The following SH3RF3 variants were observed in gnomAD, a reference collection of about 807,000 sequenced individuals.
SH3RF3 encodes SH3 domain containing ring finger 3, also known as E3 ubiquitin-protein ligase SH3RF3.
SH3RF3 carries 29 observed loss-of-function variants against 66.3 expected under a neutral mutation model. The observed-to-expected ratio is 0.44, with a 90% CI of 0.33 to 0.60. SH3RF3 has a LOEUF of 0.60. Ranked by LOEUF, SH3RF3 falls within the 20% of genes least tolerant of loss-of-function variation. SH3RF3 has a pLI of 0.04. For synonymous variants in SH3RF3, 583 were observed against 532.0 expected, an observed-to-expected ratio of 1.10 and a Z score of -1.32; for missense variants, 1,194 against 1,190.9, an observed-to-expected ratio of 1.00 and a Z score of -0.04.
chr2:109,133,338 T>C (rs1056818193), intron 1 of SH3RF3, among the ~76,000 whole-genome samples: 31 of 152,240 alleles, frequency 2.0e-4, no homozygotes, highest in African/African-American at 7.2e-4. Flanking sequence ...AAATCTCTTC[T>C]GTGTCTCTTT....
chr2:109,337,419 C>G lies in SH3RF3; in HGVS notation c.574-10255C>G, dbSNP rs185139727. ...GTCCTCCTGTGTGTGGTGTCCTTAG[C>G]GCCTTGCACTGTGGCCACCCCCTCG... On this transcript the variant is annotated intron_variant, in intron 1 of 9. Coordinates refer to ENST00000309415, the MANE Select transcript of SH3RF3 (RefSeq NM_001099289.3). Among the ~76,000 whole-genome samples the G allele has an allele frequency of 2.3e-3, 350 of 152,338 alleles. 1 individual carries two copies. Among genetic ancestry groups the G allele is most frequent in the Middle Eastern group, 0.014 (4 of 294 alleles).
chr2:109,407,187 T>TG (rs11388958), intron 4 of SH3RF3, among the ~76,000 whole-genome samples: 43,241 of 152,188 alleles, frequency 0.28, 7,634 homozygotes, highest in Non-Finnish European at 0.39. Context: ...CATTGGCCCT[T>TG]GCCAGCTTCT....
intron 4 of SH3RF3, among the ~76,000 whole-genome samples, chr2:109,416,904 C>CAAAAA (rs59855463): frequency 3.1e-5 from 2 of 64,346 alleles, no homozygotes; most frequent in African/African-American, 9.9e-5. Flanking sequence ...GACTTCATCT[C>CAAAAA]AAAAAAAAAA....
chr2:109,164,123 T>C (rs1677559799), intron 1 of SH3RF3, among the ~76,000 whole-genome samples: 1 of 152,134 alleles, frequency 6.6e-6, no homozygotes, highest in African/African-American at 2.4e-5. Flanking sequence ...GTCTGTTAAA[T>C]CCTTAAGGAA....
chr2:109,204,620 C>T (rs1300175497), intron 1 of SH3RF3, among the ~76,000 whole-genome samples: 2 of 152,230 alleles, frequency 1.3e-5, no homozygotes, highest in Non-Finnish European at 2.9e-5. Context: ...CCACCTACTC[C>T]ACCACCAGGT....
intron 1 of SH3RF3, among the ~76,000 whole-genome samples, chr2:109,346,009 C>T (rs1462329950): frequency 6.6e-6 from 1 of 152,226 alleles, no homozygotes; most frequent in Non-Finnish European, 1.5e-5. Context: ...CCCTGTGTGG[C>T]AGTGGAATTA....
chr2:109,409,574 C>A (rs1426276083), intron 4 of SH3RF3, among the ~76,000 whole-genome samples: 2 of 152,120 alleles, frequency 1.3e-5, no homozygotes, highest in African/African-American at 4.8e-5. Flanking sequence ...CCTCCATCTT[C>A]AGTGGTGAGC....
intron 1 of SH3RF3, among the ~76,000 whole-genome samples, chr2:109,321,598 G>A (rs1682028176): frequency 6.6e-6 from 1 of 152,218 alleles, no homozygotes; most frequent in South Asian, 2.1e-4. Context: ...ATCAATAGAG[G>A]ATTACATTTT....
At chr2:109,248,219 TG>T (rs1679967546) in intron 1 of SH3RF3, among the ~76,000 whole-genome samples, 2 of 152,264 alleles carry the variant, frequency 1.3e-5, no homozygotes, top group Non-Finnish European at 2.9e-5. Context: ...TTGATTCAGA[TG>T]AATAGGAGTT....
chr2:109,307,561 T>C (rs1408402091), intron 1 of SH3RF3, among the ~76,000 whole-genome samples: 1 of 136,426 alleles, frequency 7.3e-6, no homozygotes, highest in East Asian at 2.2e-4. Flanking sequence ...CTCCCAATGC[T>C]ATCCCTCCCC....
At chr2:109,380,430 T>G (rs112507081) in intron 3 of SH3RF3, among the ~76,000 whole-genome samples, 3,753 of 152,234 alleles carry the variant, frequency 0.025, 154 homozygotes, top group African/African-American at 0.08. Flanking sequence ...TGCAATGTTA[T>G]TGGGTTGTGG....
chr2:109,393,881 T>C (rs2104421932), intron 3 of SH3RF3, among the ~76,000 whole-genome samples: 1 of 151,410 alleles, frequency 6.6e-6, no homozygotes, highest in Admixed American at 6.6e-5. Context: ...TACTCCTTTT[T>C]TAAGAAAAAA....
intron 4 of SH3RF3, 129 bp from the exon 5 acceptor site, chr2:109,419,410 G>A (rs748372543): frequency 4.9e-5 from 46 of 944,062 alleles, no homozygotes; most frequent in East Asian, 4.2e-4. Context: ...GGCACAGCAC[G>A]TTGGAGGCCA....
At chr2:109,345,527 T>C (rs1300809635) in intron 1 of SH3RF3, among the ~76,000 whole-genome samples, 1 of 152,052 alleles carries the variant, frequency 6.6e-6, no homozygotes, top group Non-Finnish European at 1.5e-5. Flanking sequence ...TGAAGGGAAA[T>C]GGAGTCATTC....
chr2:109,316,997 A>G (rs1681901260), intron 1 of SH3RF3, among the ~76,000 whole-genome samples: 1 of 151,348 alleles, frequency 6.6e-6, no homozygotes, highest in South Asian at 2.1e-4. Flanking sequence ...TCTTTTTATC[A>G]CTGAATAACA....
At chr2:109,487,857 G>A (rs147808139) in intron 8 of SH3RF3, among the ~76,000 whole-genome samples, 2 of 152,352 alleles carry the variant, frequency 1.3e-5, no homozygotes, top group Non-Finnish European at 2.9e-5. Flanking sequence ...TGCCTGTTGT[G>A]TTCTCAGCAC....
At chr2:109,377,077 A>G (rs113445454) in intron 3 of SH3RF3, among the ~76,000 whole-genome samples, 4,910 of 152,314 alleles carry the variant, frequency 0.032, 189 homozygotes, top group African/African-American at 0.085. Flanking sequence ...GGCTGAAAAA[A>G]TAGGTGCCTT....
At chr2:109,258,296 G>T (rs142736249) in intron 1 of SH3RF3, among the ~76,000 whole-genome samples, 6 of 152,316 alleles carry the variant, frequency 3.9e-5, no homozygotes, top group Non-Finnish European at 5.9e-5. Context: ...TGCAGTGGCC[G>T]CTGTGACAGC....
chr2:109,483,042 C>A (rs1678875897), intron 8 of SH3RF3, among the ~76,000 whole-genome samples: 1 of 152,134 alleles, frequency 6.6e-6, no homozygotes, highest in Non-Finnish European at 1.5e-5. Flanking sequence ...CATTGTAGAT[C>A]TTCTATTCCT....
Sources: gnomAD v4.1 joint callset for allele counts (sites outside exome capture counted in the v4.1 genomes callset) on GRCh38, gnomAD v4.1.1 for gene constraint, MANE v1.5 for transcripts, NCBI Gene and HGNC (gene_info 2026-07-23, HGNC 2026-07-21) for gene names.